ST6GALNAC1: variants seen among roughly 807,000 people sequenced by gnomAD.
ST6GALNAC1 encodes ST6 N-acetylgalactosaminide alpha-2,6-sialyltransferase 1, also known as alpha-N-acetylgalactosaminide alpha-2,6-sialyltransferase 1.
A neutral mutation model predicts 56.8 loss-of-function variants in ST6GALNAC1; 45 were observed. The observed-to-expected ratio is 0.79, with a 90% confidence interval of 0.62 to 1.02. ST6GALNAC1 has a LOEUF of 1.02. ST6GALNAC1 is among the 50% of genes least tolerant of loss of function. ST6GALNAC1 has a pLI of 0.00. For missense variants in ST6GALNAC1, 743 were observed against 754.8 expected, an observed-to-expected ratio of 0.98 and a Z score of 0.18; for synonymous variants, 295 against 297.8, an observed-to-expected ratio of 0.99 and a Z score of 0.10.
downstream of ST6GALNAC1, among the ~76,000 whole-genome samples, chr17:76,623,812 T>A (rs1272532315): frequency 1.3e-5 from 2 of 152,202 alleles, no homozygotes; most frequent in Non-Finnish European, 2.9e-5. Context: ...TGGACTCGAG[T>A]AACACTCGGT....
chr17:76,617,477 G>T, the ST6GALNAC1 span, among the ~76,000 whole-genome samples: 2 of 152,162 alleles, frequency 1.3e-5, no homozygotes, highest in Admixed American at 1.3e-4. Context: ...AAGGCACTGT[G>T]GGCCACCTCC....
chr17:76,622,789 T>C (rs2410993), downstream of ST6GALNAC1, among the ~76,000 whole-genome samples: 104,140 of 149,414 alleles, frequency 0.7, 36,269 homozygotes, highest in South Asian at 0.8. Flanking sequence ...CTTAGAACTC[T>C]TGTCATTTCT....
chr17:76,639,211 A>C (rs1194322938), intron 1 of ST6GALNAC1, among the ~76,000 whole-genome samples: 1 of 152,216 alleles, frequency 6.6e-6, no homozygotes, highest in African/African-American at 2.4e-5. Context: ...TCATTCTTTC[A>C]TCAACAAGCA....
Position 76,627,310 on chromosome 17 carries a change from G to A in ST6GALNAC1, c.1001-72C>T. 6.4e-7 allele frequency: 1 copy of A among 1,563,536 alleles called. No homozygotes were observed. The highest frequency in any genetic ancestry group is 1.2e-5 in the South Asian group (1 of 82,632). On this transcript the variant is annotated intron_variant, in intron 3 of 8. Transcript: ENST00000156626. This position sits in a 1 kb window ranked among gnomAD's most constrained non-coding sequence, Gnocchi z 4.4. ...GGAGTCCGACCCATCATTCCTCCCA[G>A]GTCTGGCAAACCCCAGGGAAGAGGC...
At chr17:76,636,076 A>AGG in intron 1 of ST6GALNAC1, among the ~76,000 whole-genome samples, 1 of 152,182 alleles carries the variant, frequency 6.6e-6, no homozygotes, top group Non-Finnish European at 1.5e-5. Flanking sequence ...AAAAGCAGAA[A>AGG]CTGCCTTAAA....
chr17:76,622,066 T>C (rs2075747058), downstream of ST6GALNAC1, among the ~76,000 whole-genome samples: 2 of 151,324 alleles, frequency 1.3e-5, no homozygotes, highest in Non-Finnish European at 1.5e-5. Flanking sequence ...CCCAAAGTCC[T>C]GGGATTACAG....
the ST6GALNAC1 span, among the ~76,000 whole-genome samples, chr17:76,617,894 A>G: frequency 6.6e-6 from 1 of 152,210 alleles, no homozygotes; most frequent in African/African-American, 2.4e-5. Flanking sequence ...AAAATGTAGA[A>G]TGTTGTGCTC....
intron 1 of ST6GALNAC1, among the ~76,000 whole-genome samples, chr17:76,635,415 G>A (rs763348357): frequency 1.8e-4 from 28 of 152,140 alleles, no homozygotes; most frequent in Non-Finnish European, 3.1e-4. Context: ...TGAAGCAGGC[G>A]GATCACTTGA....
In ST6GALNAC1 at chr17:76,643,709, AC is replaced by A; in HGVS notation, c.-72del. 5 of 1,514,738 alleles carry A rather than the reference AC, an allele frequency of 3.3e-6. No individual in the cohort carries two copies. Among genetic ancestry groups the A allele is most frequent in the Non-Finnish European group, 4.5e-6 (5 of 1,103,280 alleles). 93.8% of individuals were successfully genotyped at this position (1,514,738 alleles called of 1,614,324 possible). On this transcript the variant is annotated 5_prime_UTR_variant, in exon 1 of 9. Coordinates refer to ENST00000156626, the MANE Select transcript of ST6GALNAC1 (RefSeq NM_018414.5). Reference sequence around the variant, plus strand: ...CTTGATGTAGGCAGCTGGGAGTCTCACCGCTCAGGTTTCCTGGCCAGGAAGT... The same window carrying A: ...CTTGATGTAGGCAGCTGGGAGTCTCACGCTCAGGTTTCCTGGCCAGGAAGT...
At chr17:76,634,970 T>G (rs910657579) in intron 1 of ST6GALNAC1, among the ~76,000 whole-genome samples, 1 of 152,216 alleles carries the variant, frequency 6.6e-6, no homozygotes, top group African/African-American at 2.4e-5. Flanking sequence ...GAATGCTTTA[T>G]TTTTACGACT....
At chr17:76,626,591 ACCT>A (rs2075801871) in intron 5 of ST6GALNAC1, 57 bp downstream of exon 5, 1 of 1,607,668 alleles carries the variant, frequency 6.2e-7, no homozygotes, top group Non-Finnish European at 8.5e-7. Context: ...CTCCCTTCTC[ACCT>A]CCTGTGCTCC....
At chr17:76,638,320 G>T (rs887009860) in intron 1 of ST6GALNAC1, among the ~76,000 whole-genome samples, 3 of 151,922 alleles carry the variant, frequency 2.0e-5, no homozygotes, top group African/African-American at 7.3e-5. Flanking sequence ...GATGCACGTG[G>T]GTGCGTCTTA....
intron 1 of ST6GALNAC1, among the ~76,000 whole-genome samples, chr17:76,636,536 A>G (rs1316740594): frequency 6.6e-6 from 1 of 152,178 alleles, no homozygotes; most frequent in Admixed American, 6.5e-5. Context: ...CAGTGTCAGA[A>G]AAGTCTCACA....
chr17:76,635,007 C>T (rs565898512), intron 1 of ST6GALNAC1, among the ~76,000 whole-genome samples: 47 of 152,294 alleles, frequency 3.1e-4, no homozygotes, highest in South Asian at 1.9e-3. Flanking sequence ...TGTGTCTATA[C>T]GCTGCTTCCA....
chr17:76,638,650 G>A (rs1598307752), intron 1 of ST6GALNAC1, among the ~76,000 whole-genome samples: 1 of 151,886 alleles, frequency 6.6e-6, no homozygotes, highest in Non-Finnish European at 1.5e-5. Context: ...GCATGCTCTC[G>A]GCTCACAGCA....
At chr17:76,626,196 T>C in intron 6 of ST6GALNAC1, 93 bp downstream of exon 6, 9 of 1,535,776 alleles carry the variant, frequency 5.9e-6, no homozygotes, top group African/African-American at 1.4e-5. Flanking sequence ...CTCCAGGTGA[T>C]AGCTAAGGCT....
Position 76,625,019 on chromosome 17 carries a change from T to A in ST6GALNAC1, c.*311A>T, listed in dbSNP as rs2075775625. On this transcript the variant is annotated 3_prime_UTR_variant, in exon 9 of 9. Transcript: ENST00000156626. ...TGTTTCTGTAAATCCAGGCTCTTTT[T>A]TCTGTATCAAGAAGCTTTTGGACTG... The A allele has an allele frequency of 8.0e-6, 3 of 375,960 alleles. No individual in the cohort carries two copies. In the South Asian group the frequency reaches 1.2e-4, roughly 15 times the overall value. The allele number at this position is 375,960 out of a possible 1,614,324, so 23.3% of individuals were successfully genotyped here.
chr17:76,626,557 TC>T, intron 5 of ST6GALNAC1, 93 bp downstream of exon 5: 1 of 1,573,964 alleles, frequency 6.4e-7, no homozygotes, highest in Non-Finnish European at 8.7e-7. Context: ...AACCACAGAC[TC>T]CATCCGGATG....
downstream of ST6GALNAC1, among the ~76,000 whole-genome samples, chr17:76,621,528 T>A (rs1194287881): frequency 6.6e-6 from 1 of 151,818 alleles, no homozygotes; most frequent in Non-Finnish European, 1.5e-5. Context: ...CAGGCTAGAG[T>A]GCAGTGGCAT....
Sources: gnomAD v4.1 joint callset for allele counts (sites outside exome capture counted in the v4.1 genomes callset) on GRCh38, gnomAD v4.1.1 for gene constraint, Gnocchi (gnomAD v3.1) non-coding constraint, MANE v1.5 for transcripts, NCBI Gene and HGNC (gene_info 2026-07-23, HGNC 2026-07-21) for gene names.